ZNF217: variants seen among roughly 807,000 people sequenced by gnomAD.
ZNF217 encodes zinc finger protein 217.
A neutral mutation model predicts 73.3 loss-of-function variants in ZNF217; 12 were observed. The observed-to-expected ratio is 0.16, with a 90% confidence interval of 0.10 to 0.27. The LOEUF is 0.27. Among genes scored for constraint, ZNF217 ranks in the 10% least tolerant of loss-of-function variants. The pLI is 1.00. For synonymous variants in ZNF217, 588 were observed against 516.4 expected, an observed-to-expected ratio of 1.14 and a Z score of -1.88; for missense variants, 1,195 against 1,327.8, an observed-to-expected ratio of 0.90 and a Z score of 1.55.
intron 2 of ZNF217, 149 bp from the exon 3 acceptor site, chr20:53,578,599 C>T: frequency 1.8e-6 from 1 of 556,114 alleles, no homozygotes. Flanking sequence ...AACGGCTAGA[C>T]ACACACCAAA....
chr20:53,570,015 G>A (rs1199435186), intron 5 of ZNF217, among the ~76,000 whole-genome samples: 33 of 152,054 alleles, frequency 2.2e-4, no homozygotes, highest in Admixed American at 2.2e-3. Flanking sequence ...GACAGAGCAG[G>A]CAGGATGTTC....
At position 53,582,642 on chromosome 20, in the gene ZNF217, T is replaced by C; in HGVS notation, c.185A>G (p.Tyr62Cys). The C allele has an allele frequency of 1.9e-6, 3 of 1,614,188 alleles. No individual in the cohort carries two copies. Among genetic ancestry groups the C allele is most frequent in the Non-Finnish European group, 2.5e-6 (3 of 1,180,030 alleles). The change falls in exon 2 of 6, where the codon TAT (tyrosine) becomes TGT (cysteine). Residue 62 changes from tyrosine (Y) to cysteine (C), a missense_variant. Around this residue, in one of 9 missense-constraint regions of ZNF217, gnomAD observed 147 missense variants for 184.3 expected, o/e 0.80. Transcript: ENST00000371471. The surrounding 1 kb of genome is among the most constrained non-coding windows in gnomAD (Gnocchi z 4.8). ...GCAGAACATGCAATCCAAGGGCATATACCCCTCGATTTGGATGACATTTTT... is the reference window on the plus strand; with the variant it reads ...GCAGAACATGCAATCCAAGGGCATACACCCCTCGATTTGGATGACATTTTT... ...QEKNVIQIEGYMPLDCMFCSQ... is the reference protein window; with the variant it reads ...QEKNVIQIEGCMPLDCMFCSQ...
At chr20:53,594,365 C>CG (rs1405918329), upstream of ZNF217, among the ~76,000 whole-genome samples, 56 of 150,068 alleles carry the variant, frequency 3.7e-4, no homozygotes, top group African/African-American at 1.3e-3. Flanking sequence ...CTTCACCGGC[C>CG]GCCCGGCCAC....
intron 1 of ZNF217, among the ~76,000 whole-genome samples, chr20:53,592,466 C>G (rs1192588358): frequency 6.6e-6 from 1 of 152,052 alleles, no homozygotes; most frequent in Non-Finnish European, 1.5e-5. Flanking sequence ...GTGGCCTTTT[C>G]TAGCTCCTGT....
intron 1 of ZNF217, 109 bp from the exon 2 acceptor site, chr20:53,583,277 T>C (rs1988576416): frequency 5.0e-6 from 2 of 397,160 alleles, no homozygotes; most frequent in East Asian, 3.6e-5. Flanking sequence ...CCTAATTCAA[T>C]TGCTTCACTT....
At chr20:53,589,450 C>A (rs571759901) in intron 1 of ZNF217, among the ~76,000 whole-genome samples, 2 of 152,314 alleles carry the variant, frequency 1.3e-5, no homozygotes, top group Admixed American at 6.5e-5. Flanking sequence ...AACAAATGTT[C>A]AAATGGAAAG....
intron 2 of ZNF217, among the ~76,000 whole-genome samples, chr20:53,580,246 AG>A (rs1480559912): frequency 6.6e-6 from 1 of 152,232 alleles, no homozygotes. Context: ...GAGCAGGTGA[AG>A]GAAGAGTCCA....
Position 53,576,030 on chromosome 20 carries a change from A to G in ZNF217, c.2734T>C (p.Phe912Leu). The change falls in exon 4 of 6, where the codon TTT (phenylalanine) becomes CTT (leucine). Residue 912 changes from phenylalanine to leucine, a missense_variant. Transcript: ENST00000371471. ...AGTCTTTTTGGAAGGGGCTCACCAAATTCTGCTGCAGTATTGCTGGCACTC... is the reference window on the plus strand; with the variant it reads ...AGTCTTTTTGGAAGGGGCTCACCAAGTTCTGCTGCAGTATTGCTGGCACTC... ...NRSASNTAAE[F>L]GEPLPKRLKS... The G allele has an allele frequency of 6.2e-7, 1 of 1,614,150 alleles. No homozygotes were observed. The highest frequency in any genetic ancestry group is 8.5e-7 in the Non-Finnish European group (1 of 1,180,026).
At chr20:53,578,107 G>A (rs762480988) in intron 3 of ZNF217, among the ~76,000 whole-genome samples, 4 of 151,982 alleles carry the variant, frequency 2.6e-5, no homozygotes, top group Non-Finnish European at 5.9e-5. Context: ...GCAAGACTCC[G>A]TCTCAAAAAA....
chr20:53,596,531 T>C (rs1206345281), upstream of ZNF217, among the ~76,000 whole-genome samples: 1 of 152,196 alleles, frequency 6.6e-6, no homozygotes, highest in East Asian at 1.9e-4. Flanking sequence ...ATTCTTCCCT[T>C]AGAATGTGAG....
At position 53,576,963 on chromosome 20, in the gene ZNF217, C is replaced by A. The variant is rs547656629; in HGVS notation, c.1801G>T (p.Asp601Tyr). ...TCATCAGCTGCATTTTTATGGAAAT[C>A]CTGAGTATCTTTGTGTGCTGGTGAG... ...VLSPAHKDTQ[D>Y]FHKNAADDSA... The change falls in exon 4 of 6, where the codon GAT becomes TAT. Residue 601 changes from aspartate (D) to tyrosine (Y), a missense_variant. Physicochemically the swap from Asp to Tyr is radical, Grantham distance 160. Around this residue, in one of 9 missense-constraint regions of ZNF217, gnomAD observed 649 missense variants for 642.8 expected, o/e 1.01. Coordinates refer to ENST00000371471, the MANE Select transcript of ZNF217 (RefSeq NM_006526.3). The A allele has an allele frequency of 2.5e-6, 4 of 1,614,122 alleles. No individual in the cohort carries two copies. The highest frequency in any genetic ancestry group is 1.7e-6 in the Non-Finnish European group (2 of 1,180,026).
Position 53,581,801 on chromosome 20 carries a change from T to C in ZNF217, c.1026A>G (p.Ala342=). The part of the protein sequence containing the change: ...ELGETNKGSC[A]GLSQEKEKCK... Reference sequence around the variant, plus strand: ...ACTTCTCTTTCTCTTGCGAGAGGCCTGCACAACTGCCCTTATTTGTTTCTC... The same window carrying C: ...ACTTCTCTTTCTCTTGCGAGAGGCCCGCACAACTGCCCTTATTTGTTTCTC... The change falls in exon 2 of 6, where the codon GCA becomes GCG. Residue 342 remains alanine, a synonymous_variant. Transcript: ENST00000371471. This position sits in a 1 kb window ranked among gnomAD's most constrained non-coding sequence, Gnocchi z 4.9. 6.2e-7 allele frequency: 1 copy of C among 1,614,198 alleles called. No individual in the cohort carries two copies. The highest frequency in any genetic ancestry group is 8.5e-7 in the Non-Finnish European group (1 of 1,180,036).
At chr20:53,590,771 A>T (rs769895883) in intron 1 of ZNF217, among the ~76,000 whole-genome samples, 7 of 152,206 alleles carry the variant, frequency 4.6e-5, no homozygotes, top group Non-Finnish European at 7.3e-5. Context: ...AAAAGTGATT[A>T]GCATGTATCT....
intron 1 of ZNF217, among the ~76,000 whole-genome samples, chr20:53,588,767 T>C (rs564340414): frequency 6.6e-6 from 1 of 152,340 alleles, no homozygotes; most frequent in South Asian, 2.1e-4. Context: ...AAGATCGTTC[T>C]TCTGCAAGAT....
Position 53,581,654 on chromosome 20 carries a change from G to A in ZNF217, c.1173C>T (p.Val391=). ...GKAFRTYHQL[V]LHSRVHKKDR... ...CCTTCTTGTGGACCCTGGAGTGCAA[G>A]ACCAGCTGGTGGTAGGTTCTGAAAG... Residue 391 remains valine, a synonymous_variant, in exon 2 of 6, where the codon GTC becomes GTT. Transcript: ENST00000371471. The surrounding 1 kb of genome is among the most constrained non-coding windows in gnomAD (Gnocchi z 4.9). 1 of 1,614,248 alleles carries A rather than the reference G, an allele frequency of 6.2e-7. No homozygotes were observed. The highest frequency in any genetic ancestry group is 8.5e-7 in the Non-Finnish European group (1 of 1,180,028).
Position 53,583,017 on chromosome 20 carries a change from T to A in ZNF217, c.-191A>T. ...GAAGCTCAGTGATGGTGTCACTGGT[T>A]CTTTCCACAAACAAGGCATACAGGG... is the stretch of plus-strand genomic sequence containing the variant. On this transcript the variant is annotated 5_prime_UTR_variant, in exon 2 of 6. Transcript: ENST00000371471. 1 of 562,580 alleles carries A rather than the reference T, an allele frequency of 1.8e-6. No individual in the cohort carries two copies. Among genetic ancestry groups the A allele is most frequent in the Non-Finnish European group, 3.0e-6 (1 of 329,022 alleles). The allele number at this position is 562,580 out of a possible 1,614,324, so 34.8% of individuals were successfully genotyped here.
In ZNF217 at chr20:53,593,811, G is replaced by A. The variant is rs1308952063; in HGVS notation, c.-398C>T. ...GCGCGGCGGCGGCCGGGACTGAGCTGACACCACTCGGGCCGGCCGGGTTTG... is the reference window on the plus strand; with the variant it reads ...GCGCGGCGGCGGCCGGGACTGAGCTAACACCACTCGGGCCGGCCGGGTTTG... On this transcript the variant is annotated 5_prime_UTR_variant, in exon 1 of 6. Coordinates refer to ENST00000371471, the MANE Select transcript of ZNF217 (RefSeq NM_006526.3). The A allele has an allele frequency of 1.4e-5, 2 of 142,390 alleles. No individual in the cohort carries two copies. Among genetic ancestry groups the A allele is most frequent in the South Asian group, 2.4e-4 (1 of 4,198 alleles). 8.8% of individuals were successfully genotyped at this position (142,390 alleles called of 1,614,324 possible). A position where few individuals can be genotyped will look rare whatever the true frequency, so the allele number is the denominator to read the frequency against.
Position 53,576,085 on chromosome 20 carries a change from T to C in ZNF217, c.2679A>G (p.Ala893=). The change falls in exon 4 of 6, where the codon GCA becomes GCG. Residue 893 remains alanine (A), a synonymous_variant. Coordinates refer to ENST00000371471, the MANE Select transcript of ZNF217 (RefSeq NM_006526.3). The stretch of plus-strand genomic sequence containing the variant: ...TACAGAAATAGTCTCTTCCCGGAGG[T>C]GCCCACGGGCTGTCGTTCTTGGCGG... ...DYPAKNDSPW[A]PPGRDYFCNR... The C allele has an allele frequency of 6.2e-7, 1 of 1,614,218 alleles. No individual in the cohort carries two copies. The highest frequency in any genetic ancestry group is 8.5e-7 in the Non-Finnish European group (1 of 1,180,028).
intron 4 of ZNF217, among the ~76,000 whole-genome samples, chr20:53,574,128 T>C (rs905996292): frequency 4.6e-5 from 7 of 152,028 alleles, no homozygotes; most frequent in Non-Finnish European, 8.8e-5. Flanking sequence ...GTAAATGCTA[T>C]GTAAATAGTT....
Sources: allele counts gnomAD v4.1 joint callset (sites outside exome capture counted in the v4.1 genomes callset), GRCh38; gene constraint gnomAD v4.1.1; regional missense constraint gnomAD v4.1.1; non-coding constraint Gnocchi (gnomAD v3.1); transcripts MANE v1.5; gene names NCBI Gene and HGNC (gene_info 2026-07-23, HGNC 2026-07-21).